The following PREX1 variants were observed in gnomAD, a reference collection of about 807,000 sequenced individuals.
PREX1 encodes phosphatidylinositol-3,4,5-trisphosphate dependent Rac exchange factor 1.
In PREX1, 41 loss-of-function variants were observed where a neutral mutation model predicts 198.3. The observed-to-expected ratio is 0.21, with a 90% CI of 0.16 to 0.27. The LOEUF (loss-of-function observed/expected upper bound fraction) is 0.27, where lower values mean the gene tolerates loss of function less well. Among genes scored for constraint, PREX1 ranks in the 10% least tolerant of loss-of-function variants. The pLI is 1.00. For missense variants in PREX1, 1,620 were observed against 2,200.7 expected (o/e 0.74, Z 5.28); for synonymous variants, 843 against 887.2 (o/e 0.95, Z 0.89).
intron 1 of PREX1, among the ~76,000 whole-genome samples, chr20:48,774,484 A>T (rs1432337909): frequency 1.3e-5 from 2 of 152,216 alleles, no homozygotes; most frequent in Non-Finnish European, 2.9e-5. Context: ...GGTCAGACAG[A>T]GATAGCTTCA....
chr20:48,838,613 G>C, the PREX1 span, among the ~76,000 whole-genome samples: 1 of 152,260 alleles, frequency 6.6e-6, no homozygotes, highest in South Asian at 2.1e-4. Flanking sequence ...ATACATAGAT[G>C]AATGGGGAGG....
intron 5 of PREX1, among the ~76,000 whole-genome samples, chr20:48,709,062 C>T (rs928977693): frequency 1.3e-5 from 2 of 152,256 alleles, no homozygotes; most frequent in South Asian, 2.1e-4. Context: ...TCAACTCAGA[C>T]GCAGGCTGGG....
Position 48,751,654 on chromosome 20 carries a change from A to G in PREX1, c.220-3774T>C, listed in dbSNP as rs546009736. On this transcript the variant is annotated intron_variant, in intron 1 of 39. Transcript: ENST00000371941. Reference sequence around the variant, plus strand: ...ACTCTTCCTTTGTCCAAGGCTTGACAGCTTTGAAACACTCAGGTCAAAAGC... The same window carrying G: ...ACTCTTCCTTTGTCCAAGGCTTGACGGCTTTGAAACACTCAGGTCAAAAGC... Among the ~76,000 whole-genome samples the G allele has an allele frequency of 5.1e-4, 77 of 152,324 alleles. 1 individual carries two copies. Among genetic ancestry groups the G allele is most frequent in the African/African-American group, 1.8e-3 (76 of 41,564 alleles).
intron 5 of PREX1, among the ~76,000 whole-genome samples, chr20:48,714,707 T>C (rs1043692974): frequency 6.6e-6 from 1 of 152,246 alleles, no homozygotes; most frequent in Admixed American, 6.5e-5. Flanking sequence ...GGCAATTCCC[T>C]TGAGACACCA....
chr20:48,857,070 G>A, the PREX1 span, among the ~76,000 whole-genome samples: 2 of 152,006 alleles, frequency 1.3e-5, no homozygotes, highest in Admixed American at 6.6e-5. Flanking sequence ...AACTCCCAAC[G>A]TCAGGTGATC....
At chr20:48,731,420 C>G (rs1280277852) in intron 4 of PREX1, among the ~76,000 whole-genome samples, 4 of 152,244 alleles carry the variant, frequency 2.6e-5, no homozygotes, top group Admixed American at 6.5e-5. Flanking sequence ...AATGGCCACT[C>G]TATGAGAATA....
chr20:48,773,372 C>T (rs1434444292), intron 1 of PREX1, among the ~76,000 whole-genome samples: 1 of 152,018 alleles, frequency 6.6e-6, no homozygotes, highest in African/African-American at 2.4e-5. Context: ...CTACCAGAGG[C>T]ACCTCTGGCC....
At position 48,688,910 on chromosome 20, in the gene PREX1, C is replaced by T. The variant is rs1011889493; in HGVS notation, c.1187-106G>A. ...CAGCTCCTGAAAGCTGGCCTGCCAC[C>T]TGCCCCACCACCTGCCCTCCACCAC... is the stretch of plus-strand genomic sequence containing the variant. On this transcript the variant is annotated intron_variant, in intron 9 of 39. Transcript: ENST00000371941. 7 of 1,363,710 alleles carry T rather than the reference C, an allele frequency of 5.1e-6. No homozygotes were observed. In the Admixed American group the frequency reaches 1.3e-4, roughly 25 times the overall value. 84.5% of individuals were successfully genotyped at this position (1,363,710 alleles called of 1,614,324 possible). A position where few individuals can be genotyped will look rare whatever the true frequency, so the allele number is the denominator to read the frequency against.
chr20:48,656,678 C>T (rs2089546203), intron 18 of PREX1, among the ~76,000 whole-genome samples: 1 of 152,156 alleles, frequency 6.6e-6, no homozygotes, highest in African/African-American at 2.4e-5. Flanking sequence ...ACACTCTGGC[C>T]CCTTTCCCGG....
chr20:48,781,146 C>T (rs920903429), intron 1 of PREX1, among the ~76,000 whole-genome samples: 9 of 152,136 alleles, frequency 5.9e-5, no homozygotes, highest in Non-Finnish European at 1.2e-4. Context: ...TATCTAAATG[C>T]AACATGGTGC....
intron 7 of PREX1, among the ~76,000 whole-genome samples, chr20:48,698,637 C>T (rs551324469): frequency 1.3e-5 from 2 of 152,290 alleles, no homozygotes; most frequent in South Asian, 4.1e-4. Context: ...CTGAGCCAGC[C>T]ACTGGGAGAT....
At chr20:48,726,916 C>T (rs2090013140) in intron 4 of PREX1, among the ~76,000 whole-genome samples, 1 of 152,186 alleles carries the variant, frequency 6.6e-6, no homozygotes, top group Non-Finnish European at 1.5e-5. Flanking sequence ...GCTAGCTATG[C>T]AGCAGTTAAA....
the PREX1 span, among the ~76,000 whole-genome samples, chr20:48,878,517 T>C: frequency 2.6e-5 from 4 of 152,082 alleles, no homozygotes; most frequent in Non-Finnish European, 5.9e-5. Context: ...TTTTTTGTAT[T>C]TTTAGTAGTG....
the PREX1 span, among the ~76,000 whole-genome samples, chr20:48,836,083 T>A: frequency 6.6e-6 from 1 of 151,874 alleles, no homozygotes; most frequent in Non-Finnish European, 1.5e-5. Flanking sequence ...ATTTTTGGAG[T>A]TGGCATTAAC....
intron 5 of PREX1, among the ~76,000 whole-genome samples, chr20:48,722,846 G>GC (rs1162846597): frequency 2.6e-5 from 4 of 152,254 alleles, no homozygotes; most frequent in Non-Finnish European, 4.4e-5. Context: ...AAGGGGCAGG[G>GC]CCCGGGTCTG....
rs117522488 is a variant in PREX1 at position 48,694,825 on chromosome 20, G to A, written c.918-2035C>T. 2.3e-3 allele frequency among the ~76,000 whole-genome samples: 344 copies of A among 152,300 alleles called. 4 individuals carry two copies. The East Asian group carries it at 0.044, about 19-fold the overall frequency. ...GAGATGGGAGCCACGGAGGGTTGGA[G>A]CACAGGCAGAATGGGATGGACTTCA... On this transcript the variant is annotated intron_variant, in intron 7 of 39. Transcript: ENST00000371941.
At chr20:48,839,360 A>G in the PREX1 span, among the ~76,000 whole-genome samples, 2 of 152,148 alleles carry the variant, frequency 1.3e-5, no homozygotes. Flanking sequence ...GATATATTTA[A>G]AGCTTGTTCT....
At chr20:48,788,612 T>C (rs1021501400) in intron 1 of PREX1, among the ~76,000 whole-genome samples, 2 of 152,238 alleles carry the variant, frequency 1.3e-5, no homozygotes, top group African/African-American at 2.4e-5. Flanking sequence ...TGGGCTATTA[T>C]ACTTCTTCTC....
intron 1 of PREX1, among the ~76,000 whole-genome samples, chr20:48,752,185 G>C (rs1304254604): frequency 3.9e-5 from 6 of 152,198 alleles, no homozygotes; most frequent in Non-Finnish European, 5.9e-5. Context: ...TCATTACAGA[G>C]AGAGGTGAGC....
Sources: gnomAD v4.1 joint callset for allele counts (sites outside exome capture counted in the v4.1 genomes callset) on GRCh38, gnomAD v4.1.1 for gene constraint, MANE v1.5 for transcripts, NCBI Gene and HGNC (gene_info 2026-07-23, HGNC 2026-07-21) for gene names.